The following ADGRD1 variants were observed in gnomAD, a reference collection of about 807,000 sequenced individuals.
ADGRD1 encodes G-protein coupled receptor 133.
In ADGRD1, 77 loss-of-function variants were observed where a neutral mutation model predicts 113.4. That is an observed-to-expected ratio of 0.68 (90% CI 0.57 to 0.82). The LOEUF is 0.82. Among genes scored for constraint, ADGRD1 ranks in the 40% least tolerant of loss-of-function variants. ADGRD1 has a pLI of 0.00. For synonymous variants in ADGRD1, 474 were observed against 475.0 expected (o/e 1.00, Z 0.03); for missense variants, 1,036 against 1,139.1 (o/e 0.91, Z 1.30).
chr12:131,130,342 A>G (rs1014208236), intron 20 of ADGRD1, among the ~76,000 whole-genome samples: 9 of 152,224 alleles, frequency 5.9e-5, no homozygotes, highest in Admixed American at 3.9e-4. Flanking sequence ...TGAGGTGGTC[A>G]GTGAAGACAG....
intron 14 of ADGRD1, among the ~76,000 whole-genome samples, chr12:131,078,287 A>G (rs1449138021): frequency 6.6e-6 from 1 of 151,886 alleles, no homozygotes; most frequent in African/African-American, 2.4e-5. Context: ...AGCTCCTGTC[A>G]CCTCCAGCAA....
At chr12:131,044,101 TAG>T (rs1882424538) in intron 13 of ADGRD1, among the ~76,000 whole-genome samples, 2 of 152,122 alleles carry the variant, frequency 1.3e-5, no homozygotes, top group African/African-American at 4.8e-5. Context: ...TGGGTTTCCA[TAG>T]AGTGAACTGA....
At chr12:131,046,250 T>C (rs1882734682) in intron 13 of ADGRD1, among the ~76,000 whole-genome samples, 2 of 144,320 alleles carry the variant, frequency 1.4e-5, no homozygotes, top group Non-Finnish European at 3.0e-5. Context: ...CCCTGGTCAG[T>C]GTCCTCCTGG....
At chr12:131,031,004 C>G (rs537555227) in intron 13 of ADGRD1, among the ~76,000 whole-genome samples, 1 of 152,174 alleles carries the variant, frequency 6.6e-6, no homozygotes, top group Non-Finnish European at 1.5e-5. Flanking sequence ...GGGCCCCCAC[C>G]GAGGGCCGCT....
chr12:131,120,845 A>G lies in ADGRD1; in HGVS notation c.2109-2A>G, dbSNP rs1325265667. 8 of 1,614,194 alleles carry G rather than the reference A, an allele frequency of 5.0e-6. No individual in the cohort carries two copies. The highest frequency in any genetic ancestry group is 1.3e-5 in the African/African-American group (1 of 75,050). On this transcript the variant is annotated splice_acceptor_variant, in intron 19 of 24. Transcript: ENST00000261654. LOFTEE classifies it high-confidence loss of function. ...AAGTAACGGCTCTGCTTCCCTCCGC[A>G]GTTGCTGGCTGTCGTTGGCGAGTGG...
chr12:131,042,849 A>G (rs545249039), intron 13 of ADGRD1, among the ~76,000 whole-genome samples: 1 of 152,272 alleles, frequency 6.6e-6, no homozygotes, highest in African/African-American at 2.4e-5. Flanking sequence ...AGCTGGCAAC[A>G]GTTACGAATT....
chr12:131,107,357 AG>A (rs1413730864), intron 17 of ADGRD1, among the ~76,000 whole-genome samples: 1 of 151,302 alleles, frequency 6.6e-6, no homozygotes, highest in Non-Finnish European at 1.5e-5. Flanking sequence ...ATCCCAGGGA[AG>A]GGCTCTGATG....
chr12:131,030,237 G>C (rs1880541459), intron 13 of ADGRD1, among the ~76,000 whole-genome samples: 1 of 151,088 alleles, frequency 6.6e-6, no homozygotes, highest in African/African-American at 2.4e-5. Context: ...CCAGGCTCTG[G>C]GGTTAGGTTG....
At chr12:131,138,360 C>A (rs932557633) in intron 24 of ADGRD1, 131 bp downstream of exon 24, 16 of 708,318 alleles carry the variant, frequency 2.3e-5, no homozygotes, top group Non-Finnish European at 3.7e-5. Context: ...CCCTCTCATG[C>A]CTGCAGGCTG....
intron 15 of ADGRD1, among the ~76,000 whole-genome samples, chr12:131,093,533 G>A (rs557057415): frequency 2.0e-4 from 31 of 152,330 alleles, no homozygotes; most frequent in African/African-American, 7.0e-4. Context: ...GGCAGTGGCA[G>A]GGGCCTGAAT....
chr12:131,030,165 CG>C (rs1404588895), intron 13 of ADGRD1, among the ~76,000 whole-genome samples: 1 of 148,728 alleles, frequency 6.7e-6, no homozygotes, highest in Non-Finnish European at 1.5e-5. Context: ...GTTGTGGACC[CG>C]TCGTATGGTG....
At chr12:131,069,946 A>G (rs1313861052) in intron 13 of ADGRD1, 1 of 152,232 alleles carries the variant, frequency 6.6e-6, no homozygotes, top group Non-Finnish European at 1.5e-5. Context: ...TAGAAATGCC[A>G]AAGTCCCTTG....
At chr12:131,104,284 G>A (rs1950174879) in intron 15 of ADGRD1, among the ~76,000 whole-genome samples, 1 of 151,906 alleles carries the variant, frequency 6.6e-6, no homozygotes, top group Non-Finnish European at 1.5e-5. Flanking sequence ...CGGGGACTGG[G>A]AGGGTCGTGG....
chr12:131,108,988 C>G, intron 18 of ADGRD1, 111 bp downstream of exon 18: 8 of 67,894 alleles, frequency 1.2e-4, no homozygotes, highest in South Asian at 7.1e-4. Context: ...ACAGAAGGGG[C>G]AGGTGGGGAT....
intron 18 of ADGRD1, among the ~76,000 whole-genome samples, chr12:131,116,673 C>T (rs1275297476): frequency 1.3e-5 from 2 of 152,230 alleles, no homozygotes; most frequent in African/African-American, 2.4e-5. Context: ...ATCCCCCACC[C>T]TGCTATCCCA....
At chr12:131,004,023 C>CTTTTTTTTTTTTT (rs56871865) in intron 10 of ADGRD1, among the ~76,000 whole-genome samples, 163 bp from the exon 11 acceptor site, 1 of 139,030 alleles carries the variant, frequency 7.2e-6, no homozygotes. Context: ...TTGCTTTACC[C>CTTTTTTTTTTTTT]TTTTTTTTTT....
At chr12:131,002,271 A>G (rs540249557) in intron 9 of ADGRD1, among the ~76,000 whole-genome samples, 1 of 152,258 alleles carries the variant, frequency 6.6e-6, no homozygotes, top group Non-Finnish European at 1.5e-5. Flanking sequence ...GCAGGGTCCA[A>G]TATGCATTAA....
chr12:131,000,012 A>G (rs1876137985), intron 8 of ADGRD1, among the ~76,000 whole-genome samples: 1 of 152,142 alleles, frequency 6.6e-6, no homozygotes, highest in African/African-American at 2.4e-5. Context: ...TTCTCGCCCC[A>G]AGAAAAGCGC....
intron 4 of ADGRD1, among the ~76,000 whole-genome samples, chr12:130,972,917 C>A (rs1029421278): frequency 6.6e-6 from 1 of 152,032 alleles, no homozygotes; most frequent in Admixed American, 6.5e-5. Flanking sequence ...ATGGGACCAG[C>A]GGGAAATCAG....
Sources: gnomAD v4.1 joint callset for allele counts (sites outside exome capture counted in the v4.1 genomes callset) on GRCh38, gnomAD v4.1.1 for gene constraint, MANE v1.5 for transcripts, NCBI Gene and HGNC (gene_info 2026-07-23, HGNC 2026-07-21) for gene names.